SLC49A4: variants seen among roughly 807,000 people sequenced by gnomAD.
The protein encoded by SLC49A4 is disrupted in renal cancer protein 2.
A neutral mutation model predicts 50.6 loss-of-function variants in SLC49A4; 36 were observed. That is an observed-to-expected ratio of 0.71 (90% CI 0.55 to 0.94). SLC49A4 has a LOEUF of 0.94. SLC49A4 is among the 40% of genes least tolerant of loss of function. The probability of loss-of-function intolerance (pLI) is 0.00; values close to 1 mark genes in which losing one functional copy is unlikely to be tolerated. For synonymous variants in SLC49A4, 248 were observed against 241.2 expected, an observed-to-expected ratio of 1.03 and a Z score of -0.26; for missense variants, 503 against 605.7, an observed-to-expected ratio of 0.83 and a Z score of 1.78.
intron 1 of SLC49A4, among the ~76,000 whole-genome samples, chr3:122,800,233 C>T (rs1366019362): frequency 6.6e-6 from 1 of 152,148 alleles, no homozygotes; most frequent in Non-Finnish European, 1.5e-5. Flanking sequence ...TTGGGGCATT[C>T]CAACATTCAG....
chr3:122,822,551 C>G (rs2107563565), intron 2 of SLC49A4, among the ~76,000 whole-genome samples: 1 of 152,284 alleles, frequency 6.6e-6, no homozygotes, highest in Non-Finnish European at 1.5e-5. Flanking sequence ...CACAAATGAC[C>G]TCTTCTTTGC....
At chr3:122,863,327 C>G (rs1361520398) in intron 7 of SLC49A4, among the ~76,000 whole-genome samples, 2 of 152,172 alleles carry the variant, frequency 1.3e-5, no homozygotes, top group Non-Finnish European at 2.9e-5. Flanking sequence ...TGTGCCAACT[C>G]CCACTGTGGA....
At chr3:122,808,673 C>T (rs906236360) in intron 2 of SLC49A4, among the ~76,000 whole-genome samples, 1 of 152,068 alleles carries the variant, frequency 6.6e-6, no homozygotes, top group African/African-American at 2.4e-5. Context: ...GCTGAGAGTG[C>T]CATGGTGCTC....
chr3:122,809,108 A>G (rs1457774593), intron 2 of SLC49A4, among the ~76,000 whole-genome samples: 1 of 152,212 alleles, frequency 6.6e-6, no homozygotes, highest in African/African-American at 2.4e-5. Context: ...CAGGGACAAG[A>G]TGTTGACTTT....
intron 4 of SLC49A4, among the ~76,000 whole-genome samples, chr3:122,838,127 A>T (rs983284106): frequency 3.9e-5 from 6 of 152,058 alleles, no homozygotes; most frequent in Non-Finnish European, 8.8e-5. Context: ...AAACTAGTTC[A>T]ACCATTGTGG....
chr3:122,875,736 T>A (rs531474593), intron 8 of SLC49A4, among the ~76,000 whole-genome samples: 1 of 152,200 alleles, frequency 6.6e-6, no homozygotes, highest in Non-Finnish European at 1.5e-5. Context: ...CTGACTAGGG[T>A]TTTTCCCCCT....
chr3:122,853,918 A>G (rs1936954706), intron 5 of SLC49A4, among the ~76,000 whole-genome samples: 1 of 152,234 alleles, frequency 6.6e-6, no homozygotes, highest in African/African-American at 2.4e-5. Flanking sequence ...ATTACATGAA[A>G]GCAATTTTTT....
chr3:122,865,453 C>T (rs1349889600), intron 7 of SLC49A4, among the ~76,000 whole-genome samples: 1 of 151,826 alleles, frequency 6.6e-6, no homozygotes, highest in African/African-American at 2.4e-5. Flanking sequence ...TTATGAAGGC[C>T]ACAGCAGTCA....
chr3:122,797,965 A>C (rs1161577400), intron 1 of SLC49A4, among the ~76,000 whole-genome samples: 2 of 152,210 alleles, frequency 1.3e-5, no homozygotes, highest in African/African-American at 2.4e-5. Flanking sequence ...TCAGTGACAG[A>C]ATGAGACCCT....
At chr3:122,821,369 A>G (rs1381531376) in intron 2 of SLC49A4, among the ~76,000 whole-genome samples, 1 of 152,188 alleles carries the variant, frequency 6.6e-6, no homozygotes, top group Non-Finnish European at 1.5e-5. Flanking sequence ...GAAAGACTTC[A>G]GAGAAGAGGG....
At chr3:122,812,955 G>C (rs1199492679) in intron 2 of SLC49A4, among the ~76,000 whole-genome samples, 4 of 152,126 alleles carry the variant, frequency 2.6e-5, no homozygotes, top group Non-Finnish European at 5.9e-5. Flanking sequence ...GAAAAAAAGG[G>C]AGTAAAAGGT....
intron 2 of SLC49A4, among the ~76,000 whole-genome samples, chr3:122,822,864 G>A (rs1203067604): frequency 6.6e-6 from 1 of 152,144 alleles, no homozygotes; most frequent in Non-Finnish European, 1.5e-5. Flanking sequence ...TTAGCCACAT[G>A]TTAGATGTTT....
chr3:122,829,335 T>A (rs1318840), intron 3 of SLC49A4, among the ~76,000 whole-genome samples: 14,396 of 152,222 alleles, frequency 0.095, 750 homozygotes, highest in East Asian at 0.14. Context: ...GGAAAAAACA[T>A]GATCATCTTA....
At chr3:122,827,958 T>C (rs1936556784) in intron 3 of SLC49A4, among the ~76,000 whole-genome samples, 1 of 152,194 alleles carries the variant, frequency 6.6e-6, no homozygotes, top group South Asian at 2.1e-4. Context: ...GAACAGTAAC[T>C]GCAAAGGCAG....
chr3:122,857,735 G>T (rs78127679), intron 6 of SLC49A4, among the ~76,000 whole-genome samples: 2 of 152,162 alleles, frequency 1.3e-5, no homozygotes, highest in African/African-American at 4.8e-5. Flanking sequence ...GTCTTATTTT[G>T]ACAAGAATCA....
At chr3:122,830,485 AT>A (rs1936594368) in intron 3 of SLC49A4, among the ~76,000 whole-genome samples, 2 of 152,208 alleles carry the variant, frequency 1.3e-5, no homozygotes, top group Non-Finnish European at 2.9e-5. Context: ...TAGAAATGAG[AT>A]TCTAAAAAAG....
intron 4 of SLC49A4, among the ~76,000 whole-genome samples, chr3:122,843,774 C>G (rs962673869): frequency 9.2e-5 from 14 of 152,066 alleles, no homozygotes; most frequent in Admixed American, 2.6e-4. Context: ...TGTTGTGATT[C>G]AGGTTTTAGT....
chr3:122,818,775 C>G (rs1936411880), intron 2 of SLC49A4, among the ~76,000 whole-genome samples: 1 of 152,034 alleles, frequency 6.6e-6, no homozygotes, highest in South Asian at 2.1e-4. Flanking sequence ...GAAACCCCAT[C>G]TCTACTAAAA....
chr3:122,852,742 G>A (rs1037068941), intron 5 of SLC49A4, among the ~76,000 whole-genome samples: 1 of 152,092 alleles, frequency 6.6e-6, no homozygotes, highest in Non-Finnish European at 1.5e-5. Context: ...GCACCCCACA[G>A]CAGGCCCTAA....
Sources: allele counts gnomAD v4.1 joint callset (sites outside exome capture counted in the v4.1 genomes callset), GRCh38; gene constraint gnomAD v4.1.1; transcripts MANE v1.5; gene names NCBI Gene and HGNC (gene_info 2026-07-23, HGNC 2026-07-21).